The following CPAMD8 variants were observed in gnomAD, a reference collection of about 807,000 sequenced individuals.
CPAMD8 encodes the protein C3 and PZP-like alpha-2-macroglobulin domain-containing protein 8.
In CPAMD8, 146 loss-of-function variants were observed where a neutral mutation model predicts 224.7. That is an observed-to-expected ratio of 0.65 (90% CI 0.57 to 0.75). CPAMD8 has a LOEUF of 0.75. Among genes scored for constraint, CPAMD8 ranks in the 30% least tolerant of loss-of-function variants. The pLI is 0.00. For missense variants in CPAMD8, 2,301 were observed against 2,537.5 expected, an observed-to-expected ratio of 0.91 and a Z score of 2.00; for synonymous variants, 966 against 1,044.6, an observed-to-expected ratio of 0.92 and a Z score of 1.45.
At position 16,934,088 on chromosome 19, in the gene CPAMD8, G is replaced by A. The variant is rs942588628; in HGVS notation, c.2845+4307C>T. ...GAAACCAGACAAAAAGAATACATAC[G>A]ACATGATTCCATTTATATAACATTC... On this transcript the variant is annotated intron_variant, in intron 23 of 41. Coordinates refer to ENST00000443236, the MANE Select transcript of CPAMD8 (RefSeq NM_015692.5). 3.9e-5 allele frequency among the ~76,000 whole-genome samples: 6 copies of A among 152,056 alleles called. No individual in the cohort carries two copies. The South Asian group carries it at 6.2e-4, about 16-fold the overall frequency.
Position 17,011,585 on chromosome 19 carries a change from C to T in CPAMD8, c.433+7G>A, listed in dbSNP as rs2056652036. The T allele has an allele frequency of 3.1e-6, 5 of 1,614,080 alleles. No individual in the cohort carries two copies. The highest frequency in any genetic ancestry group is 4.2e-6 in the Non-Finnish European group (5 of 1,180,054). Reference sequence around the variant, plus strand: ...CGGCCCTCCCTGCATCCATGCTGGCCACTCACCTCGGTGCTGGGGTCTGTA... The same window carrying T: ...CGGCCCTCCCTGCATCCATGCTGGCTACTCACCTCGGTGCTGGGGTCTGTA... On this transcript the variant is annotated splice_region_variant and intron_variant, in intron 4 of 41. Transcript: ENST00000443236.
At chr19:16,930,525 G>A (rs992394191) in intron 23 of CPAMD8, among the ~76,000 whole-genome samples, 8 of 152,148 alleles carry the variant, frequency 5.3e-5, no homozygotes, top group Admixed American at 1.3e-4. Flanking sequence ...CACCTAAAGC[G>A]AAGAAGGAAA....
intron 18 of CPAMD8, among the ~76,000 whole-genome samples, chr19:16,964,209 CAG>C (rs946158755): frequency 5.9e-5 from 9 of 152,112 alleles, no homozygotes; most frequent in African/African-American, 2.2e-4. Context: ...CTGAAAGAGA[CAG>C]AGACACAAAA....
intron 26 of CPAMD8, among the ~76,000 whole-genome samples, chr19:16,922,959 C>T (rs2053231089): frequency 6.6e-6 from 1 of 152,228 alleles, no homozygotes; most frequent in South Asian, 2.1e-4. Flanking sequence ...ACACACTGGC[C>T]TTCGGTCACT....
chr19:16,994,642 C>T (rs1013612239), intron 11 of CPAMD8, among the ~76,000 whole-genome samples: 1 of 150,986 alleles, frequency 6.6e-6, no homozygotes, highest in Non-Finnish European at 1.5e-5. Context: ...CCTCATCCTC[C>T]TGATAGCTGG....
chr19:16,976,266 A>C (rs541463191), intron 15 of CPAMD8, 115 bp from the exon 16 acceptor site: 3 of 753,200 alleles, frequency 4.0e-6, no homozygotes, highest in Non-Finnish European at 6.3e-6. Flanking sequence ...ACCTGAGGTC[A>C]AGAGTTCGAG....
chr19:16,938,143 C>T (rs1254322296), intron 23 of CPAMD8, among the ~76,000 whole-genome samples: 1 of 152,172 alleles, frequency 6.6e-6, no homozygotes, highest in Admixed American at 6.5e-5. Context: ...TCATTCCCTG[C>T]GTATTCCCTG....
At chr19:16,914,909 G>T (rs999702315) in intron 27 of CPAMD8, 96 bp from the exon 28 acceptor site, 3 of 856,068 alleles carry the variant, frequency 3.5e-6, no homozygotes, top group Non-Finnish European at 5.5e-6. Flanking sequence ...ACCACCCCCG[G>T]CCTCCATTTC....
At chr19:16,901,973 G>C (rs968713779) in intron 35 of CPAMD8, among the ~76,000 whole-genome samples, 2 of 152,140 alleles carry the variant, frequency 1.3e-5, no homozygotes, top group Non-Finnish European at 2.9e-5. Context: ...TGGGCTGCGA[G>C]TGTCATGGCA....
chr19:16,903,511 G>T (rs1352759334), intron 34 of CPAMD8, 50 bp downstream of exon 34: 4 of 1,611,742 alleles, frequency 2.5e-6, no homozygotes, highest in South Asian at 1.1e-5. Flanking sequence ...GGAGGGAATG[G>T]GGCACAGGAG....
At chr19:16,911,905 C>T (rs2052743481) in intron 29 of CPAMD8, among the ~76,000 whole-genome samples, 1 of 152,152 alleles carries the variant, frequency 6.6e-6, no homozygotes, top group Admixed American at 6.5e-5. Context: ...TCTCAAACTC[C>T]TGACTTCAAG....
intron 18 of CPAMD8, among the ~76,000 whole-genome samples, chr19:16,962,248 TA>T (rs1219252981): frequency 6.6e-6 from 1 of 152,132 alleles, no homozygotes; most frequent in African/African-American, 2.4e-5. Context: ...TTCTCTGAGC[TA>T]AAGGAGCACG....
chr19:16,897,733 G>C lies in CPAMD8; in HGVS notation c.5023C>G (p.Pro1675Ala). The change falls in exon 39 of 42, where the codon CCC (proline) becomes GCC (alanine). Residue 1675 changes from proline (P) to alanine (A), a missense_variant. Around this residue, in one of 4 missense-constraint regions of CPAMD8, gnomAD observed 1,709 missense variants for 1,753.2 expected, o/e 0.97. Coordinates refer to ENST00000443236, the MANE Select transcript of CPAMD8 (RefSeq NM_015692.5). ...GCGCGCTCCACTTCGTTGCACGCGG[G>C]TCCGGCGCACAGTTCCCGGGCGAGT... ...SPLARELCAG[P>A]ACNEVERAPA... 2 of 1,571,438 alleles carry C rather than the reference G, an allele frequency of 1.3e-6. No individual in the cohort carries two copies. The highest frequency in any genetic ancestry group is 2.3e-5 in the South Asian group (2 of 85,490).
intron 29 of CPAMD8, among the ~76,000 whole-genome samples, chr19:16,913,999 C>T (rs1014008776): frequency 6.6e-6 from 1 of 152,092 alleles, no homozygotes; most frequent in Admixed American, 6.6e-5. Flanking sequence ...CATCCAGTAC[C>T]AACTGTCTCT....
At chr19:17,006,752 T>C (rs17526349) in intron 7 of CPAMD8, among the ~76,000 whole-genome samples, 3,502 of 152,200 alleles carry the variant, frequency 0.023, 45 homozygotes, top group Admixed American at 0.031. Flanking sequence ...CCTTCTTTGT[T>C]GCTGAAAAGG....
chr19:16,985,579 AGGAG>A (rs1568564221), intron 13 of CPAMD8, among the ~76,000 whole-genome samples: 2 of 143,370 alleles, frequency 1.4e-5, no homozygotes, highest in East Asian at 2.3e-4. Context: ...GAAGGAAGAA[AGGAG>A]GGAGGGAGAG....
At chr19:16,918,492 G>T (rs1182325971) in intron 27 of CPAMD8, among the ~76,000 whole-genome samples, 6 of 148,406 alleles carry the variant, frequency 4.0e-5, no homozygotes, top group African/African-American at 7.6e-5. Context: ...CTGTCACCCA[G>T]GCTGGAGTGC....
chr19:16,893,617 T>G, intron 41 of CPAMD8: 1 of 359,620 alleles, frequency 2.8e-6, no homozygotes, highest in Non-Finnish European at 5.0e-6. Flanking sequence ...GGAATCAAAG[T>G]CTGCTGGTAC....
intron 22 of CPAMD8, among the ~76,000 whole-genome samples, chr19:16,939,056 C>T (rs1039011432): frequency 1.3e-5 from 2 of 152,334 alleles, no homozygotes; most frequent in East Asian, 3.9e-4. Context: ...AACACGGCCC[C>T]TGTGGGGGCC....
Sources: allele counts gnomAD v4.1 joint callset (sites outside exome capture counted in the v4.1 genomes callset), GRCh38; gene constraint gnomAD v4.1.1; regional missense constraint gnomAD v4.1.1; transcripts MANE v1.5; gene names NCBI Gene and HGNC (gene_info 2026-07-23, HGNC 2026-07-21).